Variants in TUBGCP3 observed in about 807,000 individuals in gnomAD.
TUBGCP3 encodes the protein tubulin gamma complex component 3, also known as gamma-tubulin complex component 3.
TUBGCP3 carries 50 observed loss-of-function variants against 123.1 expected under a neutral mutation model. The ratio of observed to expected loss-of-function variants is 0.41; its 90% CI spans 0.32 to 0.51. TUBGCP3 has a LOEUF of 0.51. TUBGCP3 is among the 20% of genes least tolerant of loss of function. The probability of loss-of-function intolerance (pLI) is 0.36; values close to 1 mark genes in which losing one functional copy is unlikely to be tolerated. For missense variants in TUBGCP3, 882 were observed against 1,127.0 expected (o/e 0.78, Z 3.11); for synonymous variants, 405 against 413.9 (o/e 0.98, Z 0.26).
At chr13:112,518,221 A>G (rs931590327) in intron 16 of TUBGCP3, among the ~76,000 whole-genome samples, 2 of 152,180 alleles carry the variant, frequency 1.3e-5, no homozygotes, top group Non-Finnish European at 2.9e-5. Context: ...CAGCAGCGTG[A>G]TATGCACCCT....
At chr13:112,563,318 G>A (rs1880669516) in intron 3 of TUBGCP3, among the ~76,000 whole-genome samples, 1 of 152,146 alleles carries the variant, frequency 6.6e-6, no homozygotes, top group South Asian at 2.1e-4. Flanking sequence ...CACTTCTGCG[G>A]AGCCATTTTT....
chr13:112,578,508 G>A (rs1882022036), intron 1 of TUBGCP3, among the ~76,000 whole-genome samples: 2 of 140,872 alleles, frequency 1.4e-5, no homozygotes, highest in Admixed American at 7.2e-5. Context: ...GCAGTGAGCC[G>A]GGATAGCGCC....
intron 3 of TUBGCP3, among the ~76,000 whole-genome samples, chr13:112,564,802 GAAGAT>G (rs1326139745): frequency 1.3e-5 from 2 of 152,300 alleles, no homozygotes; most frequent in African/African-American, 2.4e-5. Flanking sequence ...GCTATTATAT[GAAGAT>G]AAGACTTCTA....
Position 112,554,969 on chromosome 13 carries a change from T to C in TUBGCP3, c.758A>G (p.Asp253Gly), listed in dbSNP as rs1488785162. Residue 253 changes from aspartate (D) to glycine (G), a missense_variant, in exon 7 of 22, where the codon GAC becomes GGC. This residue lies in a region of TUBGCP3 where 713 missense variants were observed against 874.0 expected (regional missense o/e 0.82). Coordinates refer to ENST00000261965, the MANE Select transcript of TUBGCP3 (RefSeq NM_006322.6). ...MEITEAALVR[D>G]ILYVFQGIDG... The stretch of plus-strand genomic sequence containing the variant: ...TATGCCCTGAAAGACGTACAAAATG[T>C]CCCTTACCAGAGCTGCTTCTGTAAT... 1 of 1,612,132 alleles carries C rather than the reference T, an allele frequency of 6.2e-7. No homozygotes were observed. The highest frequency in any genetic ancestry group is 8.5e-7 in the Non-Finnish European group (1 of 1,179,616).
intron 5 of TUBGCP3, among the ~76,000 whole-genome samples, chr13:112,557,943 T>C (rs561360531): frequency 6.0e-4 from 91 of 152,368 alleles, no homozygotes; most frequent in Non-Finnish European, 9.6e-4. Flanking sequence ...TCCTTCGTGA[T>C]GGGCACTTCA....
intron 8 of TUBGCP3, among the ~76,000 whole-genome samples, chr13:112,548,688 C>T (rs573667433): frequency 5.8e-4 from 88 of 152,320 alleles, no homozygotes; most frequent in African/African-American, 1.8e-3. Flanking sequence ...TATGAACAGA[C>T]ACTTCTCAAA....
intron 6 of TUBGCP3, among the ~76,000 whole-genome samples, chr13:112,555,713 C>A (rs1489383522): frequency 6.6e-6 from 1 of 152,138 alleles, no homozygotes; most frequent in Non-Finnish European, 1.5e-5. Flanking sequence ...GGGGGCCTAA[C>A]CCAGCCTTAA....
chr13:112,487,361 A>G (rs1879754856), intron 21 of TUBGCP3, among the ~76,000 whole-genome samples: 1 of 152,168 alleles, frequency 6.6e-6, no homozygotes, highest in African/African-American at 2.4e-5. Flanking sequence ...ACAGAAAAGA[A>G]TCTTCTTTGT....
chr13:112,542,943 T>C (rs918274232), intron 11 of TUBGCP3, among the ~76,000 whole-genome samples: 2 of 150,698 alleles, frequency 1.3e-5, no homozygotes, highest in African/African-American at 2.4e-5. Context: ...AGCTCAGGAG[T>C]TCAAGACCAG....
chr13:112,565,263 A>C (rs916769458), intron 2 of TUBGCP3, 85 bp from the exon 3 acceptor site: 2 of 1,171,390 alleles, frequency 1.7e-6, no homozygotes, highest in African/African-American at 1.5e-5. Flanking sequence ...CAACACCATA[A>C]CTCGCAAGTG....
intron 14 of TUBGCP3, among the ~76,000 whole-genome samples, 161 bp from the exon 15 acceptor site, chr13:112,520,182 T>C (rs1044212526): frequency 5.9e-5 from 9 of 152,208 alleles, no homozygotes; most frequent in African/African-American, 2.2e-4. Context: ...GAGCATTAAC[T>C]GCAAACAGGG....
intron 9 of TUBGCP3, 31 bp from the exon 10 acceptor site, chr13:112,547,783 G>C: frequency 7.0e-7 from 1 of 1,420,222 alleles, no homozygotes; most frequent in Non-Finnish European, 9.2e-7. Flanking sequence ...AAATGTTTAA[G>C]TACAAATAAC....
In TUBGCP3 at chr13:112,556,103, T is replaced by TG; in HGVS notation, c.669dup (p.Ser224GlnfsTer49). ...CTTGTCATGTTGCGAGACACAGCAC[T>TG]GGGGACACCTTTTGAGGTAGTGGCT... On this transcript the variant is annotated frameshift_variant, in exon 6 of 22. Transcript: ENST00000261965. LOFTEE classifies it high-confidence loss of function. The TG allele has an allele frequency of 6.2e-7, 1 of 1,614,150 alleles. No homozygotes were observed. The highest frequency in any genetic ancestry group is 8.5e-7 in the Non-Finnish European group (1 of 1,180,008).
At chr13:112,490,905 T>C (rs1400699238) in intron 20 of TUBGCP3, among the ~76,000 whole-genome samples, 1 of 152,204 alleles carries the variant, frequency 6.6e-6, no homozygotes, top group East Asian at 1.9e-4. Flanking sequence ...TTGCTCTGCT[T>C]ACAATTTCCT....
chr13:112,494,638 G>A (rs1880403226), intron 20 of TUBGCP3, among the ~76,000 whole-genome samples: 3 of 152,092 alleles, frequency 2.0e-5, no homozygotes, highest in Non-Finnish European at 4.4e-5. Context: ...ACATGTACTC[G>A]ACTATAAACT....
intron 11 of TUBGCP3, among the ~76,000 whole-genome samples, chr13:112,538,037 G>C (rs1878211298): frequency 6.6e-6 from 1 of 152,206 alleles, no homozygotes; most frequent in African/African-American, 2.4e-5. Flanking sequence ...CACAGTTTCT[G>C]ATGAGAAATC....
At chr13:112,575,151 G>A (rs1273130181) in intron 1 of TUBGCP3, among the ~76,000 whole-genome samples, 1 of 152,234 alleles carries the variant, frequency 6.6e-6, no homozygotes, top group East Asian at 1.9e-4. Context: ...CAGAGTGAGG[G>A]CAGCAGCACA....
At chr13:112,569,047 TGCGCTTGGGAACTACATACAC>T in intron 2 of TUBGCP3, 84 bp downstream of exon 2, 1 of 966,346 alleles carries the variant, frequency 1.0e-6, no homozygotes. Context: ...AATATTAAAA[TGCGCTTGGGAACTACATACAC>T]ACCTACACAC....
intron 1 of TUBGCP3, among the ~76,000 whole-genome samples, chr13:112,580,472 A>G (rs1882208097): frequency 6.6e-6 from 1 of 152,188 alleles, no homozygotes; most frequent in East Asian, 1.9e-4. Flanking sequence ...CTCAAAAAAA[A>G]AATTCTAAGT....
Sources: gnomAD v4.1 joint callset for allele counts (sites outside exome capture counted in the v4.1 genomes callset) on GRCh38, gnomAD v4.1.1 for gene constraint, gnomAD v4.1.1 regional missense constraint, MANE v1.5 for transcripts, NCBI Gene and HGNC (gene_info 2026-07-23, HGNC 2026-07-21) for gene names.